Variants in HPSE2 observed in about 807,000 individuals in gnomAD.
HPSE2 encodes inactive heparanase-2.
In HPSE2, 38 loss-of-function variants were observed where a neutral mutation model predicts 60.5. The observed-to-expected ratio is 0.63, with a 90% CI of 0.48 to 0.82. The LOEUF (loss-of-function observed/expected upper bound fraction) is 0.82. HPSE2 is among the 40% of genes least tolerant of loss of function. The probability of loss-of-function intolerance (pLI) is 0.00; values close to 1 mark genes in which losing one functional copy is unlikely to be tolerated. For synonymous variants in HPSE2, 295 were observed against 293.2 expected, an observed-to-expected ratio of 1.01 and a Z score of -0.06; for missense variants, 713 against 740.4, an observed-to-expected ratio of 0.96 and a Z score of 0.43.
chr10:98,994,963 G>C lies in HPSE2; in HGVS notation c.610+149275C>G, dbSNP rs983713107. ...CACCTTTGGGCCAAGACCTTAGTGG[G>C]TCTATGGTTTCTCATGTAGCCAAGA... On this transcript the variant is annotated intron_variant, in intron 3 of 11. Coordinates refer to ENST00000370552, the MANE Select transcript of HPSE2 (RefSeq NM_021828.5). 2.6e-5 allele frequency among the ~76,000 whole-genome samples: 4 copies of C among 152,176 alleles called. No homozygotes were observed. In the South Asian group the frequency reaches 8.3e-4, roughly 31 times the overall value.
chr10:98,495,919 T>G (rs558524328), intron 9 of HPSE2, among the ~76,000 whole-genome samples: 66 of 152,300 alleles, frequency 4.3e-4, no homozygotes, highest in African/African-American at 1.6e-3. Flanking sequence ...GAGCCATACT[T>G]TCTTGTTTAT....
intron 9 of HPSE2, among the ~76,000 whole-genome samples, chr10:98,601,766 T>G (rs1181411534): frequency 6.6e-6 from 1 of 152,042 alleles, no homozygotes; most frequent in East Asian, 1.9e-4. Context: ...ACCCACTGCA[T>G]GTGTAGCATA....
rs1279437160 is a variant in HPSE2, at chr10:98,675,711, G to A, written c.1004+18189C>T. Among the ~76,000 whole-genome samples, 3 of 151,986 alleles carry A rather than the reference G, an allele frequency of 2.0e-5. 1 individual carries two copies. The highest frequency in any genetic ancestry group is 4.2e-4 in the South Asian group (2 of 4,816). ...CTACTGCCACTACACTCCCGCATGGGTGACAGCATAAGACCCCTATCTAAG... is the reference window on the plus strand; with the variant it reads ...CTACTGCCACTACACTCCCGCATGGATGACAGCATAAGACCCCTATCTAAG... On this transcript the variant is annotated intron_variant, in intron 6 of 11. Transcript: ENST00000370552.
chr10:98,557,980 T>C (rs1944061911), intron 9 of HPSE2, among the ~76,000 whole-genome samples: 1 of 151,996 alleles, frequency 6.6e-6, no homozygotes, highest in Non-Finnish European at 1.5e-5. Context: ...GAAAAATGAA[T>C]AAAACCCTGA....
chr10:98,753,690 G>C (rs562815250), intron 3 of HPSE2, among the ~76,000 whole-genome samples: 1 of 152,284 alleles, frequency 6.6e-6, no homozygotes, highest in East Asian at 1.9e-4. Flanking sequence ...GGAGGACAAA[G>C]CCTTGGGCCT....
intron 2 of HPSE2, among the ~76,000 whole-genome samples, chr10:99,184,522 C>CAAAAAAAAAAAAAAAAAA (rs200059066): frequency 3.3e-5 from 2 of 60,768 alleles, no homozygotes; most frequent in Non-Finnish European, 5.2e-5. Context: ...GAGACTGTCT[C>CAAAAAAAAAAAAAAAAAA]AAAAAAAAAA....
At chr10:99,094,542 T>TATATATA (rs1843647910) in intron 3 of HPSE2, among the ~76,000 whole-genome samples, 7 of 14,522 alleles carry the variant, frequency 4.8e-4, no homozygotes, top group Admixed American at 2.4e-3. Flanking sequence ...ATATATATAT[T>TATATATA]TTTTTTTTTT....
chr10:98,668,874 A>G (rs1326781707), intron 6 of HPSE2, among the ~76,000 whole-genome samples: 9 of 152,340 alleles, frequency 5.9e-5, no homozygotes, highest in South Asian at 4.1e-4. Context: ...ACCAAAACCA[A>G]TTGCGACAAA....
intron 2 of HPSE2, among the ~76,000 whole-genome samples, chr10:99,192,786 G>C (rs1375483092): frequency 6.6e-6 from 1 of 152,054 alleles, no homozygotes; most frequent in Non-Finnish European, 1.5e-5. Context: ...AGTATATTCA[G>C]CAAAAATATC....
chr10:98,694,070 C>T, intron 5 of HPSE2, 123 bp from the exon 6 acceptor site: 2 of 778,826 alleles, frequency 2.6e-6, no homozygotes, highest in Non-Finnish European at 2.3e-6. Context: ...CTGAGAGGAT[C>T]CTCCATAGCC....
chr10:98,545,863 G>T (rs1943654708), intron 9 of HPSE2, among the ~76,000 whole-genome samples: 1 of 151,490 alleles, frequency 6.6e-6, no homozygotes. Flanking sequence ...AAGTCAAACT[G>T]TCCCTGTTTA....
chr10:98,802,999 T>A (rs1237085591), intron 3 of HPSE2, among the ~76,000 whole-genome samples: 3 of 147,370 alleles, frequency 2.0e-5, no homozygotes, highest in Non-Finnish European at 4.5e-5. Flanking sequence ...CCTGACTTTT[T>A]AATGATTGCC....
intron 9 of HPSE2, among the ~76,000 whole-genome samples, chr10:98,539,396 C>T (rs1414840541): frequency 1.3e-5 from 2 of 152,118 alleles, no homozygotes; most frequent in Non-Finnish European, 2.9e-5. Context: ...TGGTGCATGC[C>T]TGTAATCCCA....
chr10:99,130,867 G>C (rs923160119), intron 3 of HPSE2, among the ~76,000 whole-genome samples: 6 of 152,078 alleles, frequency 3.9e-5, no homozygotes, highest in Non-Finnish European at 7.4e-5. Context: ...CTGGGAGTCA[G>C]CTTGCACAAG....
chr10:98,656,223 C>A (rs1437881325), intron 6 of HPSE2, among the ~76,000 whole-genome samples: 1 of 151,972 alleles, frequency 6.6e-6, no homozygotes, highest in Non-Finnish European at 1.5e-5. Context: ...GTAGCTGGGA[C>A]TACAGGCGCA....
chr10:99,238,552 A>AG (rs1849904359), upstream of HPSE2, among the ~76,000 whole-genome samples: 2 of 152,328 alleles, frequency 1.3e-5, no homozygotes, highest in South Asian at 4.1e-4. Context: ...AGAGGACATC[A>AG]GGGGAAAGAA....
At chr10:98,608,496 G>C (rs564156529) in intron 9 of HPSE2, among the ~76,000 whole-genome samples, 2 of 152,292 alleles carry the variant, frequency 1.3e-5, no homozygotes, top group South Asian at 4.1e-4. Context: ...CAAAAGAACT[G>C]CCTTCCTGTC....
At chr10:98,647,459 T>C (rs987996639) in intron 6 of HPSE2, among the ~76,000 whole-genome samples, 1 of 152,186 alleles carries the variant, frequency 6.6e-6, no homozygotes, top group Non-Finnish European at 1.5e-5. Flanking sequence ...CTTATTTTGC[T>C]CCCTGCTAGT....
the HPSE2 span, among the ~76,000 whole-genome samples, chr10:99,283,014 C>A: frequency 6.6e-6 from 1 of 151,906 alleles, no homozygotes; most frequent in Non-Finnish European, 1.5e-5. Context: ...GAAACCCCGA[C>A]TCTACTAAAA....
Sources: gnomAD v4.1 joint callset for allele counts (sites outside exome capture counted in the v4.1 genomes callset) on GRCh38, gnomAD v4.1.1 for gene constraint, MANE v1.5 for transcripts, NCBI Gene and HGNC (gene_info 2026-07-23, HGNC 2026-07-21) for gene names.